ADAM12: variants seen among roughly 807,000 people sequenced by gnomAD.
ADAM12 encodes ADAM metallopeptidase domain 12.
ADAM12 carries 70 observed loss-of-function variants against 106.4 expected under a neutral mutation model. The ratio of observed to expected loss-of-function variants is 0.66; its 90% CI spans 0.54 to 0.80. ADAM12 has a LOEUF of 0.80. Among genes scored for constraint, ADAM12 ranks in the 30% least tolerant of loss-of-function variants. ADAM12 has a pLI of 0.00. For missense variants in ADAM12, 1,010 were observed against 1,171.9 expected (o/e 0.86, Z 2.02); for synonymous variants, 420 against 433.5 (o/e 0.97, Z 0.39).
intron 3 of ADAM12, among the ~76,000 whole-genome samples, chr10:126,162,137 C>T (rs1956946798): frequency 6.6e-6 from 1 of 152,158 alleles, no homozygotes; most frequent in African/African-American, 2.4e-5. Flanking sequence ...AGGACACAGA[C>T]CCAGAGTGGT....
intron 3 of ADAM12, among the ~76,000 whole-genome samples, chr10:126,235,647 G>A (rs1231526205): frequency 1.3e-5 from 2 of 152,200 alleles, no homozygotes; most frequent in East Asian, 1.9e-4. Context: ...CCACCAGGAT[G>A]CGTGTCTCCT....
chr10:126,226,996 T>G (rs993300532), intron 3 of ADAM12, among the ~76,000 whole-genome samples: 1 of 152,182 alleles, frequency 6.6e-6, no homozygotes, highest in Non-Finnish European at 1.5e-5. Flanking sequence ...GTACAGCAGA[T>G]TCAACAATAA....
chr10:126,232,019 C>G (rs1320616385), intron 3 of ADAM12, among the ~76,000 whole-genome samples: 1 of 152,200 alleles, frequency 6.6e-6, no homozygotes, highest in Non-Finnish European at 1.5e-5. Context: ...GAAAGGAATT[C>G]TGGACATGAG....
At chr10:126,039,037 G>T (rs1167961048) in intron 19 of ADAM12, among the ~76,000 whole-genome samples, 1 of 132,914 alleles carries the variant, frequency 7.5e-6, no homozygotes, top group Admixed American at 9.1e-5. Context: ...GCAACTCACT[G>T]CAAGCTCCGC....
At chr10:126,077,529 G>A (rs1955125527) in intron 11 of ADAM12, among the ~76,000 whole-genome samples, 1 of 152,084 alleles carries the variant, frequency 6.6e-6, no homozygotes, top group South Asian at 2.1e-4. Context: ...CAGCATGGTA[G>A]TGGTACAAAA....
chr10:126,281,815 A>C (rs2133760139), intron 2 of ADAM12, among the ~76,000 whole-genome samples: 1 of 152,340 alleles, frequency 6.6e-6, no homozygotes, highest in East Asian at 1.9e-4. Flanking sequence ...TAAATCAATT[A>C]ACTGCTAATC....
intron 1 of ADAM12, among the ~76,000 whole-genome samples, chr10:126,381,106 A>T (rs1337812731): frequency 6.6e-6 from 1 of 152,212 alleles, no homozygotes; most frequent in Non-Finnish European, 1.5e-5. Context: ...GTATATGTTG[A>T]CTTTGAGTTT....
chr10:126,286,096 C>G (rs1368556015), intron 2 of ADAM12, among the ~76,000 whole-genome samples: 1 of 151,754 alleles, frequency 6.6e-6, no homozygotes, highest in Non-Finnish European at 1.5e-5. Context: ...CAAAATACCT[C>G]GAGTCCATAA....
intron 9 of ADAM12, 25 bp downstream of exon 9, chr10:126,101,047 A>T: frequency 6.3e-7 from 1 of 1,597,012 alleles, no homozygotes; most frequent in Non-Finnish European, 8.5e-7. Flanking sequence ...TTTTTTTTTT[A>T]AGCAGACAAG....
intron 6 of ADAM12, among the ~76,000 whole-genome samples, chr10:126,115,538 A>C (rs1955965525): frequency 6.6e-6 from 1 of 152,164 alleles, no homozygotes; most frequent in East Asian, 1.9e-4. Flanking sequence ...TAAAAATGAC[A>C]AACAATAGCT....
At chr10:126,327,025 G>T (rs1302120322) in intron 2 of ADAM12, among the ~76,000 whole-genome samples, 1 of 152,220 alleles carries the variant, frequency 6.6e-6, no homozygotes, top group African/African-American at 2.4e-5. Flanking sequence ...ACAAAGCACA[G>T]CGGGGCAGGT....
chr10:126,194,610 C>A (rs1397977821), intron 3 of ADAM12, among the ~76,000 whole-genome samples: 1 of 152,150 alleles, frequency 6.6e-6, no homozygotes, highest in Non-Finnish European at 1.5e-5. Flanking sequence ...ACACACCAAT[C>A]AAAACAAATT....
Position 126,043,114 on chromosome 10 carries a change from G to T in ADAM12, c.2030C>A (p.Ala677Asp), listed in dbSNP as rs769456106. Reference protein sequence around the residue: ...CNNRKNCHCEAHWAPPFCDKF... With the variant: ...CNNRKNCHCEDHWAPPFCDKF... ...GTCACAGAAGGGAGGTGCCCAGTGG[G>T]CCTCGCAGTGGCAGTTCTTCCTGTT... Residue 677 changes from alanine to aspartate, a missense_variant, in exon 18 of 23, where the codon GCC (alanine) becomes GAC (aspartate). Ala to Asp is a moderately radical substitution (Grantham distance 126). This residue lies in a region of ADAM12 where 615 missense variants were observed against 708.5 expected (regional missense o/e 0.87). Transcript: ENST00000448723. The surrounding 1 kb of genome is among the most constrained non-coding windows in gnomAD (Gnocchi z 4.1). 1.9e-6 allele frequency: 3 copies of T among 1,614,198 alleles called. No individual in the cohort carries two copies. Among genetic ancestry groups the T allele is most frequent in the Non-Finnish European group, 2.5e-6 (3 of 1,180,026 alleles).
intron 3 of ADAM12, among the ~76,000 whole-genome samples, chr10:126,167,635 C>T (rs941645518): frequency 4.1e-5 from 6 of 147,980 alleles, no homozygotes; most frequent in South Asian, 2.1e-4. Flanking sequence ...TGCGAGTGAA[C>T]GATCAAACTC....
chr10:126,316,359 T>C (rs1853871743), intron 2 of ADAM12, among the ~76,000 whole-genome samples: 2 of 152,324 alleles, frequency 1.3e-5, no homozygotes, highest in South Asian at 4.1e-4. Flanking sequence ...CTAATCGTAA[T>C]TTCTTCCCCC....
chr10:126,079,494 A>G (rs968767592), intron 11 of ADAM12, among the ~76,000 whole-genome samples: 1 of 152,192 alleles, frequency 6.6e-6, no homozygotes, highest in Admixed American at 6.5e-5. Context: ...ACATGGTAGC[A>G]TGCATCGGAA....
intron 2 of ADAM12, among the ~76,000 whole-genome samples, chr10:126,327,965 C>T (rs545463368): frequency 2.6e-5 from 4 of 152,200 alleles, no homozygotes; most frequent in African/African-American, 9.7e-5. Flanking sequence ...CACCTGCCTC[C>T]TCCCTGCTCC....
intron 11 of ADAM12, among the ~76,000 whole-genome samples, chr10:126,072,889 T>C (rs757563555): frequency 1.3e-5 from 2 of 152,144 alleles, no homozygotes; most frequent in East Asian, 1.9e-4. Flanking sequence ...CTCAATCAAT[T>C]GGCCAAACCA....
At chr10:126,142,898 T>G (rs1474456505) in intron 4 of ADAM12, among the ~76,000 whole-genome samples, 6 of 152,086 alleles carry the variant, frequency 3.9e-5, no homozygotes, top group Non-Finnish European at 8.8e-5. Context: ...TATATTTGTG[T>G]GTGTGCATGT....
Sources: allele counts gnomAD v4.1 joint callset (sites outside exome capture counted in the v4.1 genomes callset), GRCh38; gene constraint gnomAD v4.1.1; regional missense constraint gnomAD v4.1.1; non-coding constraint Gnocchi (gnomAD v3.1); transcripts MANE v1.5; gene names NCBI Gene and HGNC (gene_info 2026-07-23, HGNC 2026-07-21).